Variants in AGBL4 observed in about 807,000 individuals in gnomAD.
AGBL4 encodes the protein AGBL carboxypeptidase 4.
A neutral mutation model predicts 66.4 loss-of-function variants in AGBL4; 58 were observed. The observed-to-expected ratio is 0.87, with a 90% CI of 0.71 to 1.09. The LOEUF (loss-of-function observed/expected upper bound fraction) is 1.09, where lower values mean the gene tolerates loss of function less well. Among genes scored for constraint, AGBL4 ranks in the 50% least tolerant of loss-of-function variants. The probability of loss-of-function intolerance (pLI) is 0.00; values close to 1 mark genes in which losing one functional copy is unlikely to be tolerated. For synonymous variants in AGBL4, 234 were observed against 222.9 expected, an observed-to-expected ratio of 1.05 and a Z score of -0.44; for missense variants, 579 against 631.0, an observed-to-expected ratio of 0.92 and a Z score of 0.88.
chr1:48,530,068 T>C (rs755222306), downstream of AGBL4, among the ~76,000 whole-genome samples: 1 of 152,206 alleles, frequency 6.6e-6, no homozygotes, highest in Non-Finnish European at 1.5e-5. Context: ...TGTTTACTTG[T>C]TATTCTGCTT....
intron 3 of AGBL4, among the ~76,000 whole-genome samples, chr1:49,662,250 A>T (rs1303182307): frequency 2.0e-5 from 3 of 151,184 alleles, no homozygotes; most frequent in Admixed American, 6.6e-5. Context: ...ATATATGTGT[A>T]ATATATATAC....
intron 5 of AGBL4, among the ~76,000 whole-genome samples, chr1:49,015,560 C>A (rs1314833653): frequency 2.6e-5 from 4 of 151,412 alleles, no homozygotes; most frequent in Non-Finnish European, 5.9e-5. Context: ...GTAGCTGGGA[C>A]TACAGGCGCC....
chr1:49,539,185 A>AT, intron 3 of AGBL4, among the ~76,000 whole-genome samples: 1 of 152,306 alleles, frequency 6.6e-6, no homozygotes, highest in South Asian at 2.1e-4. Context: ...ATACAGTATA[A>AT]TGTCAGTTTT....
chr1:49,838,874 G>T (rs1645918752), intron 2 of AGBL4, among the ~76,000 whole-genome samples: 1 of 152,108 alleles, frequency 6.6e-6, no homozygotes, highest in Non-Finnish European at 1.5e-5. Flanking sequence ...TATTTAATAA[G>T]ATGATGTGTC....
intron 9 of AGBL4, among the ~76,000 whole-genome samples, chr1:48,623,791 G>T (rs1179045562): frequency 6.6e-6 from 1 of 152,196 alleles, no homozygotes; most frequent in Non-Finnish European, 1.5e-5. Flanking sequence ...GCTCAGACGG[G>T]GGCATGGAAA....
chr1:48,763,804 C>T (rs1343805151), intron 6 of AGBL4, among the ~76,000 whole-genome samples: 1 of 152,156 alleles, frequency 6.6e-6, no homozygotes, highest in Non-Finnish European at 1.5e-5. Flanking sequence ...ATGAGAAAAA[C>T]AAGGTTCTAA....
intron 5 of AGBL4, among the ~76,000 whole-genome samples, chr1:49,012,046 A>T (rs933259664): frequency 3.9e-5 from 6 of 151,908 alleles, no homozygotes; most frequent in Middle Eastern, 3.4e-3. Flanking sequence ...AAAGAAAAAA[A>T]AAAGCTACAT....
chr1:48,538,957 T>C (rs893449518), intron 12 of AGBL4, among the ~76,000 whole-genome samples: 1 of 152,080 alleles, frequency 6.6e-6, no homozygotes, highest in Admixed American at 6.5e-5. Context: ...CCAGATGCCA[T>C]GTGATGTCAC....
At chr1:48,769,084 A>T (rs1644675499) in intron 6 of AGBL4, among the ~76,000 whole-genome samples, 2 of 152,190 alleles carry the variant, frequency 1.3e-5, no homozygotes, top group Admixed American at 1.3e-4. Context: ...TCTGTAAAAC[A>T]TGAAGACTAC....
intron 5 of AGBL4, among the ~76,000 whole-genome samples, chr1:48,924,239 C>A (rs1654333496): frequency 2.0e-5 from 3 of 151,622 alleles, no homozygotes; most frequent in Admixed American, 1.3e-4. Flanking sequence ...CACAATATAT[C>A]CATGTAGCAA....
chr1:49,812,259 T>G (rs1221568008), intron 2 of AGBL4, among the ~76,000 whole-genome samples: 1 of 152,212 alleles, frequency 6.6e-6, no homozygotes, highest in African/African-American at 2.4e-5. Flanking sequence ...GTCATAGCAT[T>G]TGTTAAACTC....
intron 9 of AGBL4, among the ~76,000 whole-genome samples, chr1:48,605,087 A>G (rs1645135130): frequency 6.6e-6 from 1 of 152,208 alleles, no homozygotes; most frequent in South Asian, 2.1e-4. Context: ...TACCTGTTTT[A>G]CAGATGAATG....
chr1:49,002,095 C>T (rs572821516), intron 5 of AGBL4, among the ~76,000 whole-genome samples: 13 of 152,128 alleles, frequency 8.5e-5, no homozygotes, highest in South Asian at 6.2e-4. Context: ...TCAAATATTA[C>T]GTATAATTGA....
At chr1:49,666,899 C>A (rs1030714709) in intron 3 of AGBL4, among the ~76,000 whole-genome samples, 9 of 152,096 alleles carry the variant, frequency 5.9e-5, no homozygotes, top group African/African-American at 2.2e-4. Context: ...AATCAAGAGC[C>A]TGTTGGAGTA....
At chr1:49,309,228 G>A (rs967414892) in intron 3 of AGBL4, among the ~76,000 whole-genome samples, 12 of 152,016 alleles carry the variant, frequency 7.9e-5, no homozygotes, top group African/African-American at 2.9e-4. Context: ...CTGTTCTACT[G>A]TTGATGGCAA....
intron 11 of AGBL4, among the ~76,000 whole-genome samples, chr1:48,548,303 T>G (rs1644196929): frequency 6.6e-6 from 1 of 151,262 alleles, no homozygotes; most frequent in Non-Finnish European, 1.5e-5. Context: ...TGGGTGGGAA[T>G]GGGCTTGGGG....
At chr1:48,677,186 G>A (rs1319658606) in intron 6 of AGBL4, among the ~76,000 whole-genome samples, 1 of 152,176 alleles carries the variant, frequency 6.6e-6, no homozygotes, top group Non-Finnish European at 1.5e-5. Context: ...CCTACATCAA[G>A]CAAATAATTT....
chr1:48,587,112 G>A lies in AGBL4; in HGVS notation c.1159C>T (p.Leu387Phe). 1 of 1,575,986 alleles carries A rather than the reference G, an allele frequency of 6.3e-7. No individual in the cohort carries two copies. The highest frequency in any genetic ancestry group is 1.3e-5 in the African/African-American group (1 of 74,192). Reference protein sequence around the residue: ...AVKAGTGRRFLGGLLDHTSYC... With the variant: ...AVKAGTGRRFFGGLLDHTSYC... ...GAAGTGTGGTCCAGGAGTCCACCGA[G>A]GAAGCGACGGCCAGTTCCTGCTTTC... Residue 387 changes from leucine to phenylalanine, a missense_variant, in exon 11 of 14, where the codon CTC (leucine) becomes TTC (phenylalanine). Coordinates refer to ENST00000371839, the MANE Select transcript of AGBL4 (RefSeq NM_032785.4).
chr1:49,094,369 T>C (rs756476794), intron 4 of AGBL4, among the ~76,000 whole-genome samples: 200 of 152,090 alleles, frequency 1.3e-3, no homozygotes, highest in Non-Finnish European at 2.6e-3. Context: ...ATGGATCTCA[T>C]TTAATCACAA....
Sources: gnomAD v4.1 joint callset for allele counts (sites outside exome capture counted in the v4.1 genomes callset) on GRCh38, gnomAD v4.1.1 for gene constraint, MANE v1.5 for transcripts, NCBI Gene and HGNC (gene_info 2026-07-23, HGNC 2026-07-21) for gene names.